Variants in ACACB observed in about 807,000 individuals in gnomAD.
ACACB encodes acetyl-CoA carboxylase 2.
ACACB carries 209 observed loss-of-function variants against 278.8 expected under a neutral mutation model. The observed-to-expected ratio is 0.75, with a 90% CI of 0.67 to 0.84. The LOEUF is 0.84. ACACB is among the 40% of genes least tolerant of loss of function. The pLI, the probability that ACACB is intolerant of heterozygous loss-of-function variation, is 0.00. For missense variants in ACACB, 2,850 were observed against 3,269.0 expected (o/e 0.87, Z 3.13); for synonymous variants, 1,174 against 1,285.6 (o/e 0.91, Z 1.86).
intron 13 of ACACB, among the ~76,000 whole-genome samples, chr12:109,188,524 C>G (rs1489448705): frequency 6.7e-6 from 1 of 150,116 alleles, no homozygotes; most frequent in Non-Finnish European, 1.5e-5. Flanking sequence ...CTCCTTCTTT[C>G]CTTCCTTCCT....
chr12:109,169,746 G>T (rs246095), intron 4 of ACACB, among the ~76,000 whole-genome samples: 72,682 of 151,954 alleles, frequency 0.48, 19,398 homozygotes, highest in Middle Eastern at 0.7. Context: ...AGCACTGACC[G>T]GAGTCTGTAG....
chr12:109,235,490 C>A, intron 32 of ACACB, 116 bp from the exon 33 acceptor site: 2 of 1,412,600 alleles, frequency 1.4e-6, no homozygotes, highest in Non-Finnish European at 2.0e-6. Context: ...AGAAGGATTT[C>A]CAAATGATTC....
At chr12:109,240,059 C>G in intron 35 of ACACB, 74 bp downstream of exon 35, 1 of 1,515,190 alleles carries the variant, frequency 6.6e-7, no homozygotes, top group Non-Finnish European at 8.9e-7. Flanking sequence ...GGGGTATTGT[C>G]TCTTGCCACT....
chr12:109,200,662 G>A (rs964816181), intron 18 of ACACB, among the ~76,000 whole-genome samples: 20 of 151,990 alleles, frequency 1.3e-4, no homozygotes, highest in African/African-American at 4.3e-4. Context: ...ATATGAGATG[G>A]GCACAAATGT....
chr12:109,155,847 A>G (rs2043516931), intron 2 of ACACB, among the ~76,000 whole-genome samples: 1 of 152,104 alleles, frequency 6.6e-6, no homozygotes, highest in South Asian at 2.1e-4. Context: ...CTACGAAAAA[A>G]GTTTTATTGG....
At position 109,214,868 on chromosome 12, in the gene ACACB, C is replaced by T. The variant is rs551719209; in HGVS notation, c.3351-1750C>T. 3.9e-5 allele frequency among the ~76,000 whole-genome samples: 6 copies of T among 152,222 alleles called. No homozygotes were observed. The South Asian group carries it at 1.0e-3, about 26-fold the overall frequency. On this transcript the variant is annotated intron_variant, in intron 22 of 52. Coordinates refer to ENST00000338432, the MANE Select transcript of ACACB (RefSeq NM_001093.4). ...ATCCCAGCACTTTGGGAGGCCAAGGCGGATGGATTGCTTGAGCTCAGAGGT... is the reference window on the plus strand; with the variant it reads ...ATCCCAGCACTTTGGGAGGCCAAGGTGGATGGATTGCTTGAGCTCAGAGGT...
intron 1 of ACACB, among the ~76,000 whole-genome samples, chr12:109,138,185 T>C (rs1048092329): frequency 6.6e-6 from 1 of 152,268 alleles, no homozygotes; most frequent in Non-Finnish European, 1.5e-5. Flanking sequence ...ATTACAGGCA[T>C]GAGCCACCGC....
At chr12:109,230,953 A>G (rs2046450322) in intron 28 of ACACB, among the ~76,000 whole-genome samples, 1 of 152,100 alleles carries the variant, frequency 6.6e-6, no homozygotes, top group Non-Finnish European at 1.5e-5. Context: ...AGTGCCAGAA[A>G]TGTACTCTGG....
Position 109,222,919 on chromosome 12 carries a change from C to CCGT in ACACB, c.3792+9_3792+11dup. 6.3e-7 allele frequency: 1 copy of CCGT among 1,588,832 alleles called. No individual in the cohort carries two copies. Among genetic ancestry groups the CCGT allele is most frequent in the Non-Finnish European group, 8.6e-7 (1 of 1,163,662 alleles). On this transcript the variant is annotated splice_region_variant and intron_variant, in intron 26 of 52. Transcript: ENST00000338432. ...CTGCCCCGAGAACCTCAAGGTGAGCCCGTCTCCTTCCTTTCACCATCTGCA... is the reference window on the plus strand; with the variant it reads ...CTGCCCCGAGAACCTCAAGGTGAGCCCGTCGTCTCCTTCCTTTCACCATCTGCA...
chr12:109,208,016 A>G (rs961343556), intron 20 of ACACB, among the ~76,000 whole-genome samples: 11 of 151,960 alleles, frequency 7.2e-5, no homozygotes, highest in Non-Finnish European at 1.3e-4. Context: ...CAATCATTTC[A>G]TCCTCCCAGC....
At chr12:109,132,858 G>C (rs765667875) in intron 1 of ACACB, among the ~76,000 whole-genome samples, 2 of 152,162 alleles carry the variant, frequency 1.3e-5, no homozygotes, top group African/African-American at 2.4e-5. Context: ...GATTGTAAAG[G>C]ATTTGCAGAG....
intron 1 of ACACB, among the ~76,000 whole-genome samples, chr12:109,128,544 G>T: frequency 6.6e-6 from 1 of 152,002 alleles, no homozygotes; most frequent in Non-Finnish European, 1.5e-5. Context: ...TCACTATGTT[G>T]GCCAGGCTGG....
chr12:109,188,397 T>G, intron 13 of ACACB, among the ~76,000 whole-genome samples: 2 of 108,632 alleles, frequency 1.8e-5, no homozygotes, highest in South Asian at 3.7e-4. Context: ...TCCCCTTCCA[T>G]CCCTTCCCCT....
chr12:109,249,846 A>G (rs761258557), intron 40 of ACACB, 138 bp from the exon 41 acceptor site: 51 of 1,179,486 alleles, frequency 4.3e-5, no homozygotes, highest in Admixed American at 2.4e-4. Flanking sequence ...CTAGATGCCA[A>G]TTTCATTTTG....
chr12:109,212,306 G>A (rs1025208566), intron 21 of ACACB, among the ~76,000 whole-genome samples: 4 of 152,126 alleles, frequency 2.6e-5, no homozygotes, highest in African/African-American at 7.2e-5. Context: ...GTTTTTCCAC[G>A]GACCGGGGAG....
At chr12:109,259,955 T>G in intron 47 of ACACB, 1 of 729,336 alleles carries the variant, frequency 1.4e-6, no homozygotes, top group Non-Finnish European at 2.1e-6. Context: ...TAAAAGGGGG[T>G]TAAGAACAGG....
chr12:109,257,028 C>T (rs528064394), intron 45 of ACACB, among the ~76,000 whole-genome samples: 2 of 152,158 alleles, frequency 1.3e-5, no homozygotes, highest in African/African-American at 2.4e-5. Context: ...AATCCCAGCA[C>T]GTTGGGAGGC....
At chr12:109,141,738 T>C (rs1405119656) in intron 2 of ACACB, among the ~76,000 whole-genome samples, 2 of 152,210 alleles carry the variant, frequency 1.3e-5, no homozygotes, top group Non-Finnish European at 2.9e-5. Context: ...GAGGAAAGTA[T>C]TCCATATACT....
At position 109,257,998 on chromosome 12, in the gene ACACB, G is replaced by A. The variant is rs767197314; in HGVS notation, c.6264-270G>A. 9.2e-5 allele frequency among the ~76,000 whole-genome samples: 14 copies of A among 152,290 alleles called. No individual in the cohort carries two copies. In the East Asian group the frequency reaches 1.2e-3, roughly 13 times the overall value. ...AGTGCAGATGGAGAACGTGGCCCTC[G>A]TCACAGAAAGTTCTAGTGGTTCATG... On this transcript the variant is annotated intron_variant, in intron 45 of 52. Transcript: ENST00000338432.
Sources: gnomAD v4.1 joint callset for allele counts (sites outside exome capture counted in the v4.1 genomes callset) on GRCh38, gnomAD v4.1.1 for gene constraint, MANE v1.5 for transcripts, NCBI Gene and HGNC (gene_info 2026-07-23, HGNC 2026-07-21) for gene names.